Variants in MEOX1 observed in about 807,000 individuals in gnomAD.
MEOX1 encodes the protein mesenchyme homeobox 1.
A neutral mutation model predicts 23.2 loss-of-function variants in MEOX1; 17 were observed. The ratio of observed to expected loss-of-function variants is 0.73; its 90% CI spans 0.50 to 1.10. MEOX1 has a LOEUF of 1.10. Ranked by LOEUF, MEOX1 falls within the 50% of genes least tolerant of loss-of-function variation. The pLI, the probability that MEOX1 is intolerant of heterozygous loss-of-function variation, is 0.00. For synonymous variants in MEOX1, 134 were observed against 135.1 expected (o/e 0.99, Z 0.06); for missense variants, 333 against 332.2 (o/e 1.00, Z -0.02).
chr17:43,645,022 C>G (rs984571888), intron 1 of MEOX1, among the ~76,000 whole-genome samples: 6 of 152,144 alleles, frequency 3.9e-5, no homozygotes, highest in Admixed American at 6.5e-5. Flanking sequence ...TCTACCTTCA[C>G]TTTAATGAAT....
chr17:43,661,172 C>T lies in MEOX1; in HGVS notation c.363G>A (p.Leu121=), dbSNP rs781433497. The change falls in exon 1 of 3, where the codon CTG becomes CTA. Residue 121 remains leucine, a synonymous_variant. Coordinates refer to ENST00000318579, the MANE Select transcript of MEOX1 (RefSeq NM_004527.4). ...GGSKEMGTSS[L]GLVDTTGGPG... ...GGCCTCCTGTGGTGTCCACCAGGCC[C>T]AGGCTGCTGGTCCCCATTTCCTTGG... 6.3e-7 allele frequency: 1 copy of T among 1,598,700 alleles called. No homozygotes were observed.
chr17:43,654,775 G>A (rs766343545), intron 1 of MEOX1, among the ~76,000 whole-genome samples: 3 of 152,220 alleles, frequency 2.0e-5, no homozygotes, highest in South Asian at 4.2e-4. Flanking sequence ...CTCTCCAGCC[G>A]GGTGCAGTGA....
intron 1 of MEOX1, among the ~76,000 whole-genome samples, chr17:43,652,894 T>C (rs1014100909): frequency 9.2e-5 from 13 of 141,466 alleles, no homozygotes; most frequent in African/African-American, 3.4e-4. Flanking sequence ...TGCAGTGGTG[T>C]GATCTCGGCT....
chr17:43,646,051 A>T (rs535853683), intron 1 of MEOX1, among the ~76,000 whole-genome samples: 2 of 152,148 alleles, frequency 1.3e-5, no homozygotes, highest in Non-Finnish European at 2.9e-5. Context: ...TGCCCGGGTC[A>T]GGGGTGTCGT....
At chr17:43,656,412 C>T (rs747621967) in intron 1 of MEOX1, among the ~76,000 whole-genome samples, 15 of 150,298 alleles carry the variant, frequency 1.0e-4, no homozygotes, top group Non-Finnish European at 1.8e-4. Context: ...GGACCTGGGG[C>T]GGGGAGGTGG....
intron 1 of MEOX1, 120 bp downstream of exon 1, chr17:43,660,946 T>G (rs1347178285): frequency 3.4e-6 from 2 of 585,614 alleles, no homozygotes; most frequent in Non-Finnish European, 5.7e-6. Flanking sequence ...TGGTCCAGTC[T>G]CCTGCATTTG....
chr17:43,647,251 A>T (rs1972829922), intron 1 of MEOX1, among the ~76,000 whole-genome samples: 1 of 152,178 alleles, frequency 6.6e-6, no homozygotes, highest in Admixed American at 6.5e-5. Context: ...TTCTCACCCT[A>T]GCATCTAGCC....
intron 2 of MEOX1, among the ~76,000 whole-genome samples, chr17:43,643,026 G>A (rs974867806): frequency 6.6e-6 from 1 of 152,106 alleles, no homozygotes; most frequent in African/African-American, 2.4e-5. Context: ...ATCTCCCCAG[G>A]GGCCGGGCGC....
chr17:43,645,171 C>CTTTTTT (rs869205502), intron 1 of MEOX1, among the ~76,000 whole-genome samples: 9 of 99,776 alleles, frequency 9.0e-5, no homozygotes, highest in East Asian at 5.4e-4. Flanking sequence ...CATTAATTAT[C>CTTTTTT]TTTTTTTTTT....
Position 43,661,671 on chromosome 17 carries a change from CAAA to C in MEOX1, c.-140_-138del, listed in dbSNP as rs397701349. ...TCAACAGAAAATTTACCCCAGGAAC[CAAA>C]AAAAAAAAAAAACCCAAAACTAAAG... is the stretch of plus-strand genomic sequence containing the variant. On this transcript the variant is annotated 5_prime_UTR_variant, in exon 1 of 3. Transcript: ENST00000318579. 5.5e-4 allele frequency: 205 copies of C among 376,116 alleles called. No individual in the cohort carries two copies. Among genetic ancestry groups the C allele is most frequent in the South Asian group, 1.8e-3 (17 of 9,268 alleles). 23.3% of individuals were successfully genotyped at this position (376,116 alleles called of 1,614,324 possible).
intron 1 of MEOX1, among the ~76,000 whole-genome samples, chr17:43,656,133 T>C (rs996384209): frequency 6.6e-6 from 1 of 152,204 alleles, no homozygotes; most frequent in Non-Finnish European, 1.5e-5. Flanking sequence ...GACTTCGACA[T>C]TTCTTAACTG....
intron 1 of MEOX1, among the ~76,000 whole-genome samples, chr17:43,655,660 TAAAAAAAAAAAAAAAAAAAAA>T (rs57762377): frequency 1.3e-5 from 1 of 75,598 alleles, no homozygotes; most frequent in Admixed American, 1.8e-4. Context: ...CCTGTCTTTC[TAAAAAAAAAAAAAAAAAAAAA>T]AAAAAGAAGA....
At chr17:43,652,745 A>C (rs947907573) in intron 1 of MEOX1, among the ~76,000 whole-genome samples, 17 of 146,398 alleles carry the variant, frequency 1.2e-4, no homozygotes, top group Non-Finnish European at 1.8e-4. Flanking sequence ...GGTCACTTGT[A>C]TGGGACTTGG....
intron 1 of MEOX1, among the ~76,000 whole-genome samples, chr17:43,655,332 G>C (rs1225830518): frequency 1.3e-5 from 2 of 151,708 alleles, no homozygotes; most frequent in African/African-American, 2.4e-5. Context: ...TTAGCTGGGC[G>C]TGGTGGCGTG....
intron 1 of MEOX1, among the ~76,000 whole-genome samples, chr17:43,649,431 G>A (rs1443440941): frequency 6.6e-6 from 1 of 151,568 alleles, no homozygotes; most frequent in Non-Finnish European, 1.5e-5. Context: ...CTCAGCCTCT[G>A]GAGTAGCTGG....
At chr17:43,646,946 C>A (rs183502118) in intron 1 of MEOX1, among the ~76,000 whole-genome samples, 49 of 152,346 alleles carry the variant, frequency 3.2e-4, no homozygotes, top group African/African-American at 1.1e-3. Flanking sequence ...GAGATTGCGC[C>A]ATTGCTCTCC....
chr17:43,642,591 A>C (rs1231245571), intron 2 of MEOX1, among the ~76,000 whole-genome samples: 4 of 152,202 alleles, frequency 2.6e-5, no homozygotes, highest in African/African-American at 9.7e-5. Context: ...TGCTCTGTCA[A>C]CTGAAATCTG....
chr17:43,661,519 T>C lies in MEOX1; in HGVS notation c.16A>G (p.Ser6Gly). ...GGCTGGAGGCTCCTCATGCAGCTGC[T>C]GGCCGCGGGATCCATCTGCTGTCCG... MDPAA[S>G]SCMRSLQPPA... is the part of the protein sequence containing the mutation. The change falls in exon 1 of 3, where the codon AGC becomes GGC. Residue 6 changes from serine to glycine, a missense_variant. By Grantham distance (56) the Ser-to-Gly change is moderately conservative. Transcript: ENST00000318579. The C allele has an allele frequency of 6.4e-7, 1 of 1,569,200 alleles. No individual in the cohort carries two copies. Among genetic ancestry groups the C allele is most frequent in the East Asian group, 2.3e-5 (1 of 43,786 alleles).
chr17:43,649,351 T>C (rs1761467508), intron 1 of MEOX1, among the ~76,000 whole-genome samples: 1 of 145,088 alleles, frequency 6.9e-6, no homozygotes, highest in African/African-American at 2.6e-5. Flanking sequence ...AGGCTGGAGA[T>C]TGGTCACTGC....
Sources: allele counts gnomAD v4.1 joint callset (sites outside exome capture counted in the v4.1 genomes callset), GRCh38; gene constraint gnomAD v4.1.1; transcripts MANE v1.5; gene names NCBI Gene and HGNC (gene_info 2026-07-23, HGNC 2026-07-21).